The following TONSL variants were observed in gnomAD, a reference collection of about 807,000 sequenced individuals.
TONSL encodes tonsoku-like protein.
Under a neutral mutation model 147.1 loss-of-function variants are expected in TONSL, and 112 were observed. The observed-to-expected ratio is 0.76, with a 90% CI of 0.65 to 0.89. The LOEUF (loss-of-function observed/expected upper bound fraction) is 0.89. Ranked by LOEUF, TONSL falls within the 40% of genes least tolerant of loss-of-function variation. TONSL has a pLI of 0.00. For missense variants in TONSL, 1,883 were observed against 1,864.6 expected (o/e 1.01, Z -0.18); for synonymous variants, 868 against 801.5 (o/e 1.08, Z -1.40).
Position 144,430,533 on chromosome 8 carries a change from G to A in TONSL, c.3814C>T (p.Leu1272Phe), listed in dbSNP as rs782477480. ...DKAVRDLCRC[L>F]SLCPSLISLD... ...GAGATGAGTGAGGGGCACAGAGAGA[G>A]ACATCTGAGATAACATGGGAAGAAG... The change falls in exon 25 of 26, where the codon CTC (leucine) becomes TTC (phenylalanine). Residue 1272 changes from leucine (L) to phenylalanine (F), a missense_variant. Physicochemically the swap from Leu to Phe is conservative, Grantham distance 22. Transcript: ENST00000409379. 1.2e-6 allele frequency: 2 copies of A among 1,609,444 alleles called. No homozygotes were observed. Among genetic ancestry groups the A allele is most frequent in the Admixed American group, 3.4e-5 (2 of 59,094 alleles).
intron 25 of TONSL, among the ~76,000 whole-genome samples, chr8:144,429,988 C>T (rs1318151380): frequency 6.6e-6 from 1 of 152,178 alleles, no homozygotes; most frequent in African/African-American, 2.4e-5. Flanking sequence ...CAAGAGAGAA[C>T]AAGCTAAATC....
intron 13 of TONSL, 171 bp downstream of exon 13, chr8:144,438,298 CAG>C: frequency 1.5e-6 from 1 of 645,838 alleles, no homozygotes; most frequent in East Asian, 2.7e-5. Context: ...ATCTCCCTCC[CAG>C]GATGAAGTGA....
rs1473343650 is a variant in TONSL at position 144,442,693 on chromosome 8, T to C, written c.562A>G (p.Ser188Gly). 1.4e-5 allele frequency: 23 copies of C among 1,612,800 alleles called. No individual in the cohort carries two copies. The highest frequency in any genetic ancestry group is 1.9e-5 in the Non-Finnish European group (23 of 1,179,856). ...GGGCCTTACTCCGCAAGGAAGATGC[T>C]CTTCCTGAAGTAATCGTTGCACAGG... ...TALCNDYFRK[S>G]IFLAEQNHLY... Residue 188 changes from serine (S) to glycine (G), a missense_variant, in exon 5 of 26, where the codon AGC becomes GGC. Coordinates refer to ENST00000409379, the MANE Select transcript of TONSL (RefSeq NM_013432.5).
chr8:144,441,553 C>G (rs775908724), intron 7 of TONSL: 1 of 202,238 alleles, frequency 4.9e-6, no homozygotes, highest in East Asian at 1.3e-4. Context: ...GATCATGCCA[C>G]TGCACTCCAG....
At position 144,428,964 on chromosome 8, in the gene TONSL, T is replaced by C; in HGVS notation, c.*179A>G. 1 of 654,832 alleles carries C rather than the reference T, an allele frequency of 1.5e-6. No individual in the cohort carries two copies. Among genetic ancestry groups the C allele is most frequent in the Non-Finnish European group, 2.3e-6 (1 of 426,538 alleles). 40.6% of individuals were successfully genotyped at this position (654,832 alleles called of 1,614,324 possible). A position where few individuals can be genotyped will look rare whatever the true frequency, so the allele number is the denominator to read the frequency against. On this transcript the variant is annotated 3_prime_UTR_variant, in exon 26 of 26. Coordinates refer to ENST00000409379, the MANE Select transcript of TONSL (RefSeq NM_013432.5). ...ACCACCACGCCCGGCTAATTTTTGG[T>C]ATTTTTAGTAGAGACGGGGTTTCAC...
In TONSL at chr8:144,434,244, G is replaced by C. The variant is rs952103821; in HGVS notation, c.3121C>G (p.Gln1041Glu). 2.6e-6 allele frequency: 4 copies of C among 1,528,072 alleles called. No individual in the cohort carries two copies. The East Asian group carries it at 9.2e-5, about 35-fold the overall frequency. 94.7% of individuals were successfully genotyped at this position (1,528,072 alleles called of 1,614,324 possible). Residue 1041 changes from glutamine to glutamate, a missense_variant, in exon 21 of 26, where the codon CAG (glutamine) becomes GAG (glutamate). Gln to Glu is a conservative substitution (Grantham distance 29). Coordinates refer to ENST00000409379, the MANE Select transcript of TONSL (RefSeq NM_013432.5). ...GCGCTGAACGAGAGGCCCAAGCCCT[G>C]GAGCTCCACGGCCTGCAGCACCTGT... ...HQQVLQAVEL[Q>E]GLGLSFSACS...
chr8:144,439,048 C>T (rs992512271), intron 11 of TONSL, among the ~76,000 whole-genome samples: 8 of 152,138 alleles, frequency 5.3e-5, no homozygotes, highest in Non-Finnish European at 7.4e-5. Flanking sequence ...TCTGTCCATG[C>T]GCCAGCCACT....
chr8:144,432,800 T>G, intron 22 of TONSL: 9 of 201,562 alleles, frequency 4.5e-5, no homozygotes, highest in East Asian at 1.1e-4. Context: ...TGACACCCAA[T>G]TCCCAGCCTC....
At position 144,436,025 on chromosome 8, in the gene TONSL, T is replaced by C. The variant is rs1421772626; in HGVS notation, c.2408A>G (p.Gln803Arg). 15 of 1,563,192 alleles carry C rather than the reference T, an allele frequency of 9.6e-6. No homozygotes were observed. Among genetic ancestry groups the C allele is most frequent in the South Asian group, 2.3e-5 (2 of 87,400 alleles). ...CGGTGGGCCAGGCCCCAGCCGGCTC[T>C]GAGCACTGCCCACACCCCGGATGGC... ...QAAIRGVGSA[Q>R]SRLGPGPPRG... The change falls in exon 17 of 26, where the codon CAG (glutamine) becomes CGG (arginine). Residue 803 changes from glutamine (Q) to arginine (R), a missense_variant. Gln to Arg is a conservative substitution (Grantham distance 43). Coordinates refer to ENST00000409379, the MANE Select transcript of TONSL (RefSeq NM_013432.5).
Position 144,444,005 on chromosome 8 carries a change from C to A in TONSL, c.141G>T (p.Leu47=), listed in dbSNP as rs1321878996. The A allele has an allele frequency of 2.6e-6, 4 of 1,538,212 alleles. No individual in the cohort carries two copies. The Admixed American group carries it at 7.8e-5, about 30-fold the overall frequency. ...GCTGCAGCTCCTGCCAGTGCTGCTC[C>A]AGAGCCTCGGCGTAGCGGCCTAGGC... ...LAGHGRYAEA[L]EQHWQELQLR... The change falls in exon 3 of 26, where the codon CTG becomes CTT. Residue 47 remains leucine (L), a synonymous_variant. Transcript: ENST00000409379.
At position 144,431,715 on chromosome 8, in the gene TONSL, A is replaced by G. The variant is rs35740883; in HGVS notation, c.3736-564T>C. ...TTTTTAGTAGAGATGGTGTTTCACCATGTTAGCCAGGATGGTCTTGATCTC... is the reference window on the plus strand; with the variant it reads ...TTTTTAGTAGAGATGGTGTTTCACCGTGTTAGCCAGGATGGTCTTGATCTC... On this transcript the variant is annotated intron_variant, in intron 23 of 25. Coordinates refer to ENST00000409379, the MANE Select transcript of TONSL (RefSeq NM_013432.5). 0.015 allele frequency among the ~76,000 whole-genome samples: 2,312 copies of G among 151,586 alleles called. 147 individuals are homozygous for G. The East Asian group carries it at 0.2, about 13-fold the overall frequency.
chr8:144,434,029 G>A lies in TONSL; in HGVS notation c.3336C>T (p.Pro1112=), dbSNP rs376312635. Residue 1112 remains proline, a synonymous_variant, in exon 21 of 26, where the codon CCC becomes CCT. Transcript: ENST00000409379. Reference sequence around the variant, plus strand: ...CCATGGCAAGCTGGCGCAGGCCTTCGGGACCCAGGTGATTGGAGGAGAGGT... The same window carrying A: ...CCATGGCAAGCTGGCGCAGGCCTTCAGGACCCAGGTGATTGGAGGAGAGGT... ...LLDLSSNHLG[P]EGLRQLAMGL... 30 of 1,607,398 alleles carry A rather than the reference G, an allele frequency of 1.9e-5. No individual in the cohort carries two copies. In the East Asian group the frequency reaches 3.8e-4, roughly 20 times the overall value.
Position 144,432,459 on chromosome 8 carries a change from A to G in TONSL, c.3561T>C (p.Asp1187=), listed in dbSNP as rs782664515. ...GGGACAGGGTCTTCAGGTGCTCAGC[A>G]TCTGCACCGGGGCCAGAATCCGTCA... The part of the protein sequence containing the change: ...HQTALGSAFQ[D]AEHLKTLSLS... The change falls in exon 23 of 26, where the codon GAT becomes GAC. Residue 1187 remains aspartate, a splice_region_variant and synonymous_variant. Coordinates refer to ENST00000409379, the MANE Select transcript of TONSL (RefSeq NM_013432.5). 2 of 1,535,454 alleles carry G rather than the reference A, an allele frequency of 1.3e-6. No individual in the cohort carries two copies. The highest frequency in any genetic ancestry group is 2.1e-5 in the Admixed American group (1 of 48,172).
In TONSL at chr8:144,434,796, T is replaced by G. The variant is rs943756519; in HGVS notation, c.3085+15A>C. On this transcript the variant is annotated intron_variant, in intron 20 of 25. Coordinates refer to ENST00000409379, the MANE Select transcript of TONSL (RefSeq NM_013432.5). ...TACGACCTCACCCAGAAACTGCAGC[T>G]CTCCTGGCCCTCACCTTGCCCCAGG... The G allele has an allele frequency of 5.6e-6, 9 of 1,611,772 alleles. No individual in the cohort carries two copies. The African/African-American group carries it at 1.1e-4, about 19-fold the overall frequency.
chr8:144,433,312 G>C (rs550010289), intron 22 of TONSL: 3 of 337,302 alleles, frequency 8.9e-6, no homozygotes, highest in Non-Finnish European at 1.7e-5. Context: ...TCCTGACCTC[G>C]TGATCTGCCC....
In TONSL at chr8:144,442,672, C is replaced by T. The variant is rs749979091; in HGVS notation, c.578+5G>A. The T allele has an allele frequency of 1.2e-6, 2 of 1,612,040 alleles. No homozygotes were observed. The highest frequency in any genetic ancestry group is 4.5e-5 in the East Asian group (2 of 44,880). ...ACTCCCTCCTGGGGCGGGGCAGGGCCTTACTCCGCAAGGAAGATGCTCTTC... is the reference window on the plus strand; with the variant it reads ...ACTCCCTCCTGGGGCGGGGCAGGGCTTTACTCCGCAAGGAAGATGCTCTTC... On this transcript the variant is annotated splice_donor_5th_base_variant and intron_variant, in intron 5 of 25. Coordinates refer to ENST00000409379, the MANE Select transcript of TONSL (RefSeq NM_013432.5).
At chr8:144,433,505 C>T (rs1823305956) in intron 22 of TONSL, 83 bp downstream of exon 22, 1 of 1,417,028 alleles carries the variant, frequency 7.1e-7, no homozygotes, top group Non-Finnish European at 9.7e-7. Context: ...CCTGTGTGCC[C>T]AGCCTGGGCC....
chr8:144,436,014 C>T lies in TONSL; in HGVS notation c.2419G>A (p.Gly807Arg), dbSNP rs563658139. The T allele has an allele frequency of 1.7e-5, 27 of 1,552,710 alleles. No individual in the cohort carries two copies. Among genetic ancestry groups the T allele is most frequent in the Non-Finnish European group, 2.3e-5 (26 of 1,152,428 alleles). ...RGVGSAQSRLGPGPPRGHSKA... is the reference protein window; with the variant it reads ...RGVGSAQSRLRPGPPRGHSKA... ...CTGTGGCCCCGCGGTGGGCCAGGCCCCAGCCGGCTCTGAGCACTGCCCACA... is the reference window on the plus strand; with the variant it reads ...CTGTGGCCCCGCGGTGGGCCAGGCCTCAGCCGGCTCTGAGCACTGCCCACA... Residue 807 changes from glycine (G) to arginine (R), a missense_variant, in exon 17 of 26, where the codon GGG (glycine) becomes AGG (arginine). Gly to Arg is a moderately radical substitution (Grantham distance 125, BLOSUM62 -2). Transcript: ENST00000409379.
At chr8:144,443,437 C>T (rs1346385908) in intron 3 of TONSL, 116 bp from the exon 4 acceptor site, 2 of 1,073,328 alleles carry the variant, frequency 1.9e-6, no homozygotes, top group Non-Finnish European at 2.6e-6. Flanking sequence ...CCCTAACCCC[C>T]ACAGAGCAGG....
Sources: allele counts gnomAD v4.1 joint callset (sites outside exome capture counted in the v4.1 genomes callset), GRCh38; gene constraint gnomAD v4.1.1; transcripts MANE v1.5; gene names NCBI Gene and HGNC (gene_info 2026-07-23, HGNC 2026-07-21).